The following LACTB2 variants were observed in gnomAD, a reference collection of about 807,000 sequenced individuals.
The protein encoded by LACTB2 is endoribonuclease LACTB2.
In LACTB2, 32 loss-of-function variants were observed where a neutral mutation model predicts 34.8. The ratio of observed to expected loss-of-function variants is 0.92; its 90% CI spans 0.69 to 1.24. LACTB2 has a LOEUF of 1.24. Among genes scored for constraint, LACTB2 ranks in the 50% most tolerant of loss-of-function variants. The probability of loss-of-function intolerance (pLI) is 0.00; values close to 1 mark genes in which losing one functional copy is unlikely to be tolerated. For synonymous variants in LACTB2, 120 were observed against 117.5 expected, an observed-to-expected ratio of 1.02 and a Z score of -0.14; for missense variants, 320 against 345.0, an observed-to-expected ratio of 0.93 and a Z score of 0.57.
chr8:70,657,443 T>C (rs1489229632), intron 3 of LACTB2, among the ~76,000 whole-genome samples: 2 of 150,918 alleles, frequency 1.3e-5, no homozygotes, highest in African/African-American at 4.9e-5. Context: ...TTTTTTTTTT[T>C]TTTTTTGAGA....
chr8:70,660,712 T>C (rs998836393), intron 2 of LACTB2: 4 of 456,384 alleles, frequency 8.8e-6, no homozygotes, highest in Non-Finnish European at 1.8e-5. Context: ...CCCTTGCCCT[T>C]CTCCACTTTA....
chr8:70,669,058 A>G lies in LACTB2; in HGVS notation c.63T>C (p.Cys21=). 6.2e-7 allele frequency: 1 copy of G among 1,612,582 alleles called. No homozygotes were observed. The highest frequency in any genetic ancestry group is 1.3e-5 in the African/African-American group (1 of 75,042). The stretch of plus-strand genomic sequence containing the variant: ...CTTGGAGGGTCATGGGACCCGGGTT[A>G]CAGCCCAACACACGCACGACTCGAT... The part of the protein sequence containing the change: ...LSNRVVRVLG[C]NPGPMTLQGT... Residue 21 remains cysteine, a synonymous_variant, in exon 1 of 7, where the codon TGT becomes TGC. Coordinates refer to ENST00000276590, the MANE Select transcript of LACTB2 (RefSeq NM_016027.3).
chr8:70,643,964 A>AT (rs1818231686), intron 4 of LACTB2, 101 bp downstream of exon 4: 3 of 1,220,210 alleles, frequency 2.5e-6, no homozygotes, highest in Non-Finnish European at 3.2e-6. Context: ...AGGTGGGAGG[A>AT]CTGCTTGAGG....
At chr8:70,665,490 G>A (rs1818524866) in intron 1 of LACTB2, among the ~76,000 whole-genome samples, 1 of 152,168 alleles carries the variant, frequency 6.6e-6, no homozygotes, top group African/African-American at 2.4e-5. Flanking sequence ...GATATTTTCT[G>A]AACACCTACT....
In LACTB2 at chr8:70,668,748, G is replaced by GTTTTTTTTTTTTTTTTTTTT. The variant is rs990900411; in HGVS notation, c.122+231_122+250dup. On this transcript the variant is annotated intron_variant, in intron 1 of 6. Coordinates refer to ENST00000276590, the MANE Select transcript of LACTB2 (RefSeq NM_016027.3). ...CAGTAAATCGGGTTTCAAAACAGAA[G>GTTTTTTTTTTTTTTTTTTTT]TTTTTTTTTTTTTTTTTTTTTTTTT... 3.4e-4 allele frequency among the ~76,000 whole-genome samples: 35 copies of GTTTTTTTTTTTTTTTTTTTT among 103,702 alleles called. 1 individual carries two copies. The highest frequency in any genetic ancestry group is 5.8e-4 in the Admixed American group (6 of 10,406). The allele number at this position is 103,702 out of a possible 152,430, so 68.0% of individuals were successfully genotyped here. A position where few individuals can be genotyped will look rare whatever the true frequency, so the allele number is the denominator to read the frequency against.
chr8:70,648,097 G>A (rs1322330202), intron 3 of LACTB2, among the ~76,000 whole-genome samples: 1 of 152,170 alleles, frequency 6.6e-6, no homozygotes, highest in Non-Finnish European at 1.5e-5. Context: ...CAGGAAGAAA[G>A]ACTCTACGAT....
chr8:70,640,925 C>T lies in LACTB2; in HGVS notation c.718G>A (p.Glu240Lys), dbSNP rs1818189059. ...ACCTTGTAAATAATTTTTACAAGCTCCATTACTGTAAATGATTTCTCAAAG... is the reference window on the plus strand; with the variant it reads ...ACCTTGTAAATAATTTTTACAAGCTTCATTACTGTAAATGATTTCTCAAAG... ...ENFEKSFTVMELVKIIYKNTP... is the reference protein window; with the variant it reads ...ENFEKSFTVMKLVKIIYKNTP... Residue 240 changes from glutamate (E) to lysine (K), a missense_variant, in exon 5 of 7, where the codon GAG becomes AAG. Transcript: ENST00000276590. 6.2e-7 allele frequency: 1 copy of T among 1,601,038 alleles called. No homozygotes were observed.
intron 1 of LACTB2, among the ~76,000 whole-genome samples, chr8:70,664,359 CATGACAAAATT>C (rs1209782231): frequency 6.6e-6 from 1 of 152,156 alleles, no homozygotes; most frequent in Non-Finnish European, 1.5e-5. Flanking sequence ...GATCAAAAGT[CATGACAAAATT>C]AACAGGGTTG....
At chr8:70,638,161 T>A (rs1718909191) in intron 6 of LACTB2, among the ~76,000 whole-genome samples, 1 of 152,226 alleles carries the variant, frequency 6.6e-6, no homozygotes, top group Non-Finnish European at 1.5e-5. Flanking sequence ...AATAATTACA[T>A]AATTACTGCT....
intron 3 of LACTB2, among the ~76,000 whole-genome samples, chr8:70,648,369 G>C (rs1818291948): frequency 6.6e-6 from 1 of 152,132 alleles, no homozygotes; most frequent in South Asian, 2.1e-4. Flanking sequence ...AAACCCCACA[G>C]AATATAATAT....
At chr8:70,646,836 T>C (rs1818269774) in intron 3 of LACTB2, 1 of 152,374 alleles carries the variant, frequency 6.6e-6, no homozygotes, top group East Asian at 1.9e-4. Context: ...ATATTCTTCT[T>C]CTACTTTGAA....
chr8:70,669,074 A>G lies in LACTB2; in HGVS notation c.47T>C (p.Val16Ala). Residue 16 changes from valine to alanine, a missense_variant, in exon 1 of 7, where the codon GTG becomes GCG. By Grantham distance (64) the Val-to-Ala change is moderately conservative (BLOSUM62 0). Transcript: ENST00000276590. ...ACCCGGGTTACAGCCCAACACACGC[A>G]CGACTCGATTGGACAGCCGCTCGAC... Reference protein sequence around the residue: ...QRVERLSNRVVRVLGCNPGPM... With the variant: ...QRVERLSNRVARVLGCNPGPM... The G allele has an allele frequency of 6.2e-7, 1 of 1,612,938 alleles. No individual in the cohort carries two copies. The highest frequency in any genetic ancestry group is 1.7e-5 in the Admixed American group (1 of 59,902).
At chr8:70,668,976 G>C (rs1402483941) in intron 1 of LACTB2, 23 bp downstream of exon 1, 1 of 1,567,220 alleles carries the variant, frequency 6.4e-7, no homozygotes, top group African/African-American at 1.4e-5. Flanking sequence ...CGAACGTTGG[G>C]GAGGTTGGAG....
At chr8:70,643,590 C>T (rs1032275731) in intron 4 of LACTB2, among the ~76,000 whole-genome samples, 1 of 152,032 alleles carries the variant, frequency 6.6e-6, no homozygotes, top group African/African-American at 2.4e-5. Flanking sequence ...TCTCTGCTGA[C>T]TGCAACTTCC....
intron 4 of LACTB2, among the ~76,000 whole-genome samples, chr8:70,643,068 TTA>T (rs1481301836): frequency 1.3e-5 from 2 of 152,096 alleles, no homozygotes; most frequent in African/African-American, 2.4e-5. Flanking sequence ...CAATGTAAGT[TTA>T]TGTCTTTTTA....
At chr8:70,668,924 C>T (rs990654999) in intron 1 of LACTB2, 75 bp downstream of exon 1, 1 of 1,536,124 alleles carries the variant, frequency 6.5e-7, no homozygotes, top group Non-Finnish European at 8.8e-7. Context: ...CCACTGCCCG[C>T]GCAGCCGCGA....
chr8:70,638,011 GT>G (rs1818145346), intron 6 of LACTB2, 108 bp from the exon 7 acceptor site: 4 of 579,160 alleles, frequency 6.9e-6, no homozygotes, highest in Non-Finnish European at 1.1e-5. Flanking sequence ...AAATAATTTT[GT>G]TGCTCAATAT....
intron 6 of LACTB2, 152 bp from the exon 7 acceptor site, chr8:70,638,055 T>C (rs1818145870): frequency 4.3e-6 from 2 of 460,500 alleles, no homozygotes; most frequent in African/African-American, 2.0e-5. Flanking sequence ...TGTAAAAACA[T>C]TGCTAAGGCT....
In LACTB2 at chr8:70,668,874, G is replaced by C. The variant is rs943097246; in HGVS notation, c.122+125C>G. 6 of 1,348,768 alleles carry C rather than the reference G, an allele frequency of 4.4e-6. No homozygotes were observed. In the Admixed American group the frequency reaches 1.5e-4, roughly 34 times the overall value. 83.6% of individuals were successfully genotyped at this position (1,348,768 alleles called of 1,614,324 possible). ...GCGTGCAGTCCCGACGGGGCTGCTAGGCGCGGGGCTGCCCAGCTAGGGACA... is the reference window on the plus strand; with the variant it reads ...GCGTGCAGTCCCGACGGGGCTGCTACGCGCGGGGCTGCCCAGCTAGGGACA... On this transcript the variant is annotated intron_variant, in intron 1 of 6. Transcript: ENST00000276590.
Sources: allele counts gnomAD v4.1 joint callset (sites outside exome capture counted in the v4.1 genomes callset), GRCh38; gene constraint gnomAD v4.1.1; transcripts MANE v1.5; gene names NCBI Gene and HGNC (gene_info 2026-07-23, HGNC 2026-07-21).